USP12: variants seen among roughly 807,000 people sequenced by gnomAD.
USP12 encodes the protein ubiquitin specific peptidase 12.
Under a neutral mutation model 45.5 loss-of-function variants are expected in USP12, and 19 were observed. The observed-to-expected ratio is 0.42, with a 90% CI of 0.29 to 0.61. The LOEUF (loss-of-function observed/expected upper bound fraction) is 0.61, where lower values mean the gene tolerates loss of function less well. Among genes scored for constraint, USP12 ranks in the 20% least tolerant of loss-of-function variants. USP12 has a pLI of 0.22. For synonymous variants in USP12, 149 were observed against 148.8 expected (o/e 1.00, Z -0.01); for missense variants, 242 against 447.7 (o/e 0.54, Z 4.15).
chr13:27,094,945 C>A (rs1874501430), intron 4 of USP12, among the ~76,000 whole-genome samples: 1 of 151,360 alleles, frequency 6.6e-6, no homozygotes. Context: ...CCCAGGAGTT[C>A]AAGACCAGCC....
At position 27,075,704 on chromosome 13, in the gene USP12, T is replaced by A. The variant is rs149456980; in HGVS notation, c.735-316A>T. 4.9e-4 allele frequency among the ~76,000 whole-genome samples: 75 copies of A among 152,204 alleles called. No homozygotes were observed. The East Asian group carries it at 0.011, about 22-fold the overall frequency. ...GTATTTTTCAAACACACGTCTCTTA[T>A]AATAAGGCTAAATGCACGGGGTGCT... On this transcript the variant is annotated intron_variant, in intron 6 of 8. Coordinates refer to ENST00000282344, the MANE Select transcript of USP12 (RefSeq NM_182488.4).
intron 1 of USP12, among the ~76,000 whole-genome samples, chr13:27,170,892 A>T (rs540698193): frequency 6.6e-6 from 1 of 152,346 alleles, no homozygotes; most frequent in Non-Finnish European, 1.5e-5. Flanking sequence ...CGTGCCTCTC[A>T]GAGGAGAAAA....
intron 4 of USP12, among the ~76,000 whole-genome samples, chr13:27,094,593 C>T (rs192862713): frequency 6.6e-6 from 1 of 152,046 alleles, no homozygotes; most frequent in African/African-American, 2.4e-5. Context: ...ATATTGTGTG[C>T]CTACAGACGT....
At chr13:27,113,455 T>C (rs1335481294) in intron 2 of USP12, among the ~76,000 whole-genome samples, 1 of 152,198 alleles carries the variant, frequency 6.6e-6, no homozygotes, top group East Asian at 1.9e-4. Context: ...AGTTCTTGTT[T>C]AGGTGACATT....
intron 1 of USP12, among the ~76,000 whole-genome samples, chr13:27,121,393 G>T (rs1201921923): frequency 6.6e-6 from 1 of 151,104 alleles, no homozygotes; most frequent in East Asian, 1.9e-4. Context: ...TCCACAAAAG[G>T]CAGAATTACA....
At chr13:27,170,447 G>A in intron 1 of USP12, 1 of 397,340 alleles carries the variant, frequency 2.5e-6, no homozygotes, top group Middle Eastern at 6.3e-4. Context: ...GATTTCAGAA[G>A]TCTCTAATAA....
intron 8 of USP12, among the ~76,000 whole-genome samples, chr13:27,069,843 A>G (rs1426441468): frequency 6.6e-6 from 1 of 152,180 alleles, no homozygotes; most frequent in Non-Finnish European, 1.5e-5. Flanking sequence ...GCTACTCGGG[A>G]GGCTGAGGCA....
chr13:27,072,853 A>G (rs1346724571), intron 7 of USP12, among the ~76,000 whole-genome samples: 1 of 152,190 alleles, frequency 6.6e-6, no homozygotes, highest in Admixed American at 6.5e-5. Flanking sequence ...ACATGCTGAT[A>G]ATGAGGCTGC....
intron 6 of USP12, among the ~76,000 whole-genome samples, chr13:27,085,177 TTTC>T (rs1555233127): frequency 1.8e-4 from 27 of 150,324 alleles, no homozygotes; most frequent in Middle Eastern, 3.2e-3. Context: ...TCTTTCTTTC[TTTC>T]TTTTTTTTTT....
At chr13:27,156,874 G>A (rs939610701) in intron 1 of USP12, among the ~76,000 whole-genome samples, 2 of 151,726 alleles carry the variant, frequency 1.3e-5, no homozygotes, top group Non-Finnish European at 2.9e-5. Flanking sequence ...GTCTTTAGGG[G>A]GAAGAAGCAT....
intron 3 of USP12, among the ~76,000 whole-genome samples, chr13:27,099,831 C>T (rs1025066996): frequency 2.3e-4 from 35 of 152,182 alleles, no homozygotes; most frequent in African/African-American, 7.7e-4. Context: ...CCTGAGGGAC[C>T]CATTAGCCTT....
intron 6 of USP12, among the ~76,000 whole-genome samples, chr13:27,083,188 T>C (rs1389787663): frequency 6.6e-6 from 1 of 152,142 alleles, no homozygotes; most frequent in African/African-American, 2.4e-5. Flanking sequence ...ACAGTTACCA[T>C]AGCAACATCA....
At chr13:27,069,966 G>A (rs1267521568) in intron 8 of USP12, among the ~76,000 whole-genome samples, 1 of 152,136 alleles carries the variant, frequency 6.6e-6, no homozygotes, top group Non-Finnish European at 1.5e-5. Context: ...GCAACTTCTA[G>A]TGGTCCAACC....
intron 1 of USP12, among the ~76,000 whole-genome samples, chr13:27,150,941 C>A (rs1167044715): frequency 6.6e-6 from 1 of 152,104 alleles, no homozygotes; most frequent in Non-Finnish European, 1.5e-5. Context: ...AAGAGCAACA[C>A]CCAGAAAACT....
chr13:27,157,534 T>TTA (rs1555239422), intron 1 of USP12, among the ~76,000 whole-genome samples: 1 of 151,970 alleles, frequency 6.6e-6, no homozygotes, highest in African/African-American at 2.4e-5. Context: ...TGCCTTTTTT[T>TTA]AAAAAAAATA....
chr13:27,120,480 CCA>C (rs1875932267), intron 1 of USP12, among the ~76,000 whole-genome samples: 1 of 152,042 alleles, frequency 6.6e-6, no homozygotes, highest in Non-Finnish European at 1.5e-5. Context: ...TGGTGAAACC[CCA>C]TCTCTATTAA....
At chr13:27,108,644 C>T (rs1875271986) in intron 2 of USP12, among the ~76,000 whole-genome samples, 2 of 151,954 alleles carry the variant, frequency 1.3e-5, no homozygotes, top group Non-Finnish European at 2.9e-5. Flanking sequence ...ACCAACTATA[C>T]AAAAATTCAT....
chr13:27,143,729 C>T (rs1000957497), intron 1 of USP12, among the ~76,000 whole-genome samples: 3 of 152,204 alleles, frequency 2.0e-5, no homozygotes, highest in Non-Finnish European at 4.4e-5. Flanking sequence ...AACACAGTAT[C>T]ACTTACAAAT....
chr13:27,134,539 A>G (rs1876701724), intron 1 of USP12, among the ~76,000 whole-genome samples: 1 of 152,176 alleles, frequency 6.6e-6, no homozygotes, highest in South Asian at 2.1e-4. Flanking sequence ...CAGGTCCCCT[A>G]AAGTCTTCCA....
Sources: allele counts gnomAD v4.1 joint callset (sites outside exome capture counted in the v4.1 genomes callset), GRCh38; gene constraint gnomAD v4.1.1; transcripts MANE v1.5; gene names NCBI Gene and HGNC (gene_info 2026-07-23, HGNC 2026-07-21).